Variants in SNTG2 observed in about 807,000 individuals in gnomAD.
SNTG2 encodes gamma-2-syntrophin.
SNTG2 carries 74 observed loss-of-function variants against 70.9 expected under a neutral mutation model. That is an observed-to-expected ratio of 1.04 (90% CI 0.86 to 1.27). The LOEUF (loss-of-function observed/expected upper bound fraction) is 1.27. Among genes scored for constraint, SNTG2 ranks in the 50% most tolerant of loss-of-function variants. The pLI is 0.00. For missense variants in SNTG2, 717 were observed against 690.7 expected (o/e 1.04, Z -0.43); for synonymous variants, 278 against 273.8 (o/e 1.02, Z -0.15).
At chr2:1,031,980 T>C (rs1660863610) in intron 1 of SNTG2, among the ~76,000 whole-genome samples, 1 of 152,186 alleles carries the variant, frequency 6.6e-6, no homozygotes, top group African/African-American at 2.4e-5. Context: ...ACTCTGTGAA[T>C]ACAGTAAAAA....
intron 12 of SNTG2, among the ~76,000 whole-genome samples, chr2:1,251,725 C>T (rs556538043): frequency 4.3e-4 from 64 of 147,178 alleles, no homozygotes; most frequent in African/African-American, 1.6e-3. Context: ...CACAAATAGA[C>T]ACACACCCCC....
chr2:968,323 C>T (rs1660635157), intron 1 of SNTG2, among the ~76,000 whole-genome samples: 1 of 151,606 alleles, frequency 6.6e-6, no homozygotes, highest in Admixed American at 6.6e-5. Flanking sequence ...GTGGTGATGC[C>T]CCTTTTCCAT....
At chr2:1,007,772 G>C (rs1000202472) in intron 1 of SNTG2, among the ~76,000 whole-genome samples, 2 of 152,124 alleles carry the variant, frequency 1.3e-5, no homozygotes, top group Non-Finnish European at 2.9e-5. Context: ...GTTTTGTTAT[G>C]TTTTTGGTTT....
intron 12 of SNTG2, among the ~76,000 whole-genome samples, chr2:1,256,875 A>G (rs9330332): frequency 0.3 from 45,535 of 151,872 alleles, 7,616 homozygotes; most frequent in African/African-American, 0.45. Context: ...TGTCAGGAAA[A>G]GCCTCAGGGC....
chr2:1,012,195 G>C (rs1227847877), intron 1 of SNTG2, among the ~76,000 whole-genome samples: 1 of 152,232 alleles, frequency 6.6e-6, no homozygotes, highest in African/African-American at 2.4e-5. Context: ...AACACTAAGC[G>C]TGGGGAACTG....
At chr2:1,189,738 G>A (rs190262894) in intron 8 of SNTG2, among the ~76,000 whole-genome samples, 45 of 148,592 alleles carry the variant, frequency 3.0e-4, no homozygotes, top group African/African-American at 7.3e-4. Flanking sequence ...TAGTAGAGAC[G>A]GGGTTTCACC....
At chr2:1,200,433 GA>G (rs1179096435) in intron 8 of SNTG2, among the ~76,000 whole-genome samples, 1 of 152,016 alleles carries the variant, frequency 6.6e-6, no homozygotes, top group African/African-American at 2.4e-5. Flanking sequence ...AAACATAGTA[GA>G]AACACTTCAG....
intron 10 of SNTG2, among the ~76,000 whole-genome samples, chr2:1,239,415 C>G (rs1015244324): frequency 3.3e-5 from 5 of 152,226 alleles, no homozygotes; most frequent in Admixed American, 1.3e-4. Flanking sequence ...CACAGTAATA[C>G]TGACTCTCAC....
At chr2:1,173,380 C>T (rs562425466) in intron 8 of SNTG2, among the ~76,000 whole-genome samples, 197 bp downstream of exon 8, 1 of 152,138 alleles carries the variant, frequency 6.6e-6, no homozygotes, top group Non-Finnish European at 1.5e-5. Context: ...ATCCTGATTG[C>T]ATTATAGGAT....
At chr2:1,223,257 A>G (rs968702051) in intron 9 of SNTG2, among the ~76,000 whole-genome samples, 20 of 100,422 alleles carry the variant, frequency 2.0e-4, no homozygotes, top group South Asian at 7.6e-4. Flanking sequence ...TGTAGAGGAA[A>G]GTGGTGCAGT....
intron 9 of SNTG2, among the ~76,000 whole-genome samples, chr2:1,222,488 GTGGT>G (rs1558555117): frequency 7.2e-6 from 1 of 139,786 alleles, no homozygotes; most frequent in Non-Finnish European, 1.5e-5. Context: ...GTAGAGGAAA[GTGGT>G]GCAGTGATGG....
intron 6 of SNTG2, among the ~76,000 whole-genome samples, chr2:1,140,864 C>T (rs1424732424): frequency 6.6e-6 from 1 of 152,136 alleles, no homozygotes; most frequent in Non-Finnish European, 1.5e-5. Flanking sequence ...AAGTCACTAA[C>T]ACCTTTCACG....
chr2:1,292,969 T>TG (rs1680050166), intron 14 of SNTG2, among the ~76,000 whole-genome samples: 1 of 152,220 alleles, frequency 6.6e-6, no homozygotes, highest in South Asian at 2.1e-4. Flanking sequence ...CGAAACTATC[T>TG]GGCCCTTGGC....
At chr2:1,224,238 T>C (rs1675603235) in intron 9 of SNTG2, among the ~76,000 whole-genome samples, 1 of 152,178 alleles carries the variant, frequency 6.6e-6, no homozygotes, top group Non-Finnish European at 1.5e-5. Flanking sequence ...TTCAATCCAC[T>C]GGGAATTTGA....
chr2:1,039,316 G>T (rs977783833), intron 1 of SNTG2, among the ~76,000 whole-genome samples: 1 of 152,070 alleles, frequency 6.6e-6, no homozygotes, highest in African/African-American at 2.4e-5. Context: ...CTCACAATTA[G>T]ATTGCATTTT....
At chr2:1,127,440 T>C (rs4464313) in intron 4 of SNTG2, among the ~76,000 whole-genome samples, 150,276 of 152,262 alleles carry the variant, frequency 0.99, 74,192 homozygotes, top group East Asian at 1. Flanking sequence ...TACTTGGGGC[T>C]TCATGTAGTT....
intron 1 of SNTG2, among the ~76,000 whole-genome samples, chr2:998,400 G>GA (rs972525027): frequency 6.6e-6 from 1 of 151,624 alleles, no homozygotes; most frequent in Middle Eastern, 3.4e-3. Context: ...AAAGAAATCG[G>GA]AAAAAAATCA....
chr2:955,673 C>T (rs976970318), intron 1 of SNTG2, among the ~76,000 whole-genome samples: 6 of 152,258 alleles, frequency 3.9e-5, no homozygotes, highest in Non-Finnish European at 7.3e-5. Flanking sequence ...AAGGGCACAG[C>T]CATGGGGACG....
At chr2:1,029,729 C>T (rs1389901712) in intron 1 of SNTG2, among the ~76,000 whole-genome samples, 1 of 152,206 alleles carries the variant, frequency 6.6e-6, no homozygotes, top group African/African-American at 2.4e-5. Context: ...CCTGTGCCAT[C>T]TCATCCTCTG....
Sources: allele counts gnomAD v4.1 joint callset (sites outside exome capture counted in the v4.1 genomes callset), GRCh38; gene constraint gnomAD v4.1.1; transcripts MANE v1.5; gene names NCBI Gene and HGNC (gene_info 2026-07-23, HGNC 2026-07-21).